Variants in NCEH1 observed in about 807,000 individuals in gnomAD.
NCEH1 encodes the protein neutral cholesterol ester hydrolase 1, also known as 2-acetyl MAGE hydrolase.
Under a neutral mutation model 25.4 loss-of-function variants are expected in NCEH1, and 9 were observed. The ratio of observed to expected loss-of-function variants is 0.35; its 90% CI spans 0.21 to 0.62. The LOEUF is 0.62. Ranked by LOEUF, NCEH1 falls within the 20% of genes least tolerant of loss-of-function variation. The pLI, the probability that NCEH1 is intolerant of heterozygous loss-of-function variation, is 0.72. For synonymous variants in NCEH1, 200 were observed against 199.8 expected (o/e 1.00, Z -0.01); for missense variants, 412 against 501.1 (o/e 0.82, Z 1.70).
intron 1 of NCEH1, among the ~76,000 whole-genome samples, chr3:172,670,551 G>A (rs1410969704): frequency 6.6e-6 from 1 of 152,210 alleles, no homozygotes; most frequent in African/African-American, 2.4e-5. Context: ...CAGCAGAGCA[G>A]AGCTTAAAGC....
At chr3:172,657,706 T>G (rs1717764756) in intron 1 of NCEH1, among the ~76,000 whole-genome samples, 1 of 152,210 alleles carries the variant, frequency 6.6e-6, no homozygotes, top group African/African-American at 2.4e-5. Context: ...TCCTGTTTCT[T>G]ACAGGAAAAA....
chr3:172,697,481 AC>A (rs1443582919), intron 1 of NCEH1, among the ~76,000 whole-genome samples: 9 of 151,824 alleles, frequency 5.9e-5, no homozygotes, highest in Admixed American at 2.0e-4. Flanking sequence ...CTTGCTGTTC[AC>A]CCTGCAGAGT....
At chr3:172,656,837 A>G (rs1447553961) in intron 1 of NCEH1, among the ~76,000 whole-genome samples, 1 of 152,084 alleles carries the variant, frequency 6.6e-6, no homozygotes, top group African/African-American at 2.4e-5. Flanking sequence ...CTTCAGCCCC[A>G]TATGTCTGAT....
intron 1 of NCEH1, among the ~76,000 whole-genome samples, chr3:172,653,765 T>TTGTTTTTTG (rs55986552): frequency 1.7e-4 from 23 of 134,374 alleles, no homozygotes; most frequent in East Asian, 1.3e-3. Context: ...TTTTTGTTTT[T>TTGTTTTTTG]TTTTTTTTTT....
chr3:172,670,688 T>TA (rs1386213125), intron 1 of NCEH1, among the ~76,000 whole-genome samples: 1 of 152,206 alleles, frequency 6.6e-6, no homozygotes, highest in Non-Finnish European at 1.5e-5. Flanking sequence ...TTTTAACCAT[T>TA]AGAGAATAAC....
intron 1 of NCEH1, among the ~76,000 whole-genome samples, chr3:172,651,841 G>A (rs1446755957): frequency 1.3e-5 from 2 of 152,188 alleles, no homozygotes; most frequent in African/African-American, 4.8e-5. Context: ...TTACAGGCAT[G>A]AGCCACCGCG....
chr3:172,692,256 C>G (rs1010024123), intron 1 of NCEH1, among the ~76,000 whole-genome samples: 1 of 152,182 alleles, frequency 6.6e-6, no homozygotes, highest in African/African-American at 2.4e-5. Flanking sequence ...TAAAACCAAA[C>G]AGAAGAAAAA....
chr3:172,710,937 G>A lies in NCEH1; in HGVS notation c.48C>T (p.Ala16=). 1 of 1,614,188 alleles carries A rather than the reference G, an allele frequency of 6.2e-7. No individual in the cohort carries two copies. ...VLLTALVALA[A]YYVYIPLPGS... ...CAGGCAGCGGGATGTAGACGTAATA[G>A]GCGGCCAGCGCCACCAGGGCGGTGA... The change falls in exon 1 of 5, where the codon GCC becomes GCT. Residue 16 remains alanine, a synonymous_variant. Coordinates refer to ENST00000475381, the MANE Select transcript of NCEH1 (RefSeq NM_020792.6).
At chr3:172,651,018 C>T (rs1318606173) in intron 1 of NCEH1, among the ~76,000 whole-genome samples, 7 of 152,050 alleles carry the variant, frequency 4.6e-5, no homozygotes, top group Non-Finnish European at 8.8e-5. Flanking sequence ...TTGATATGAA[C>T]AGTAACCTGT....
At chr3:172,708,578 C>T (rs956378628) in intron 1 of NCEH1, among the ~76,000 whole-genome samples, 2 of 152,110 alleles carry the variant, frequency 1.3e-5, no homozygotes, top group Non-Finnish European at 2.9e-5. Context: ...CTGCTGGTCT[C>T]GAACTCCTGA....
intron 1 of NCEH1, among the ~76,000 whole-genome samples, chr3:172,691,946 C>CAAAAAAAAAAAAAAA (rs61592238): frequency 1.2e-5 from 1 of 80,006 alleles, no homozygotes; most frequent in Non-Finnish European, 2.4e-5. Context: ...GACTCCGTCT[C>CAAAAAAAAAAAAAAA]AAAAAAAAAA....
Position 172,676,519 on chromosome 3 carries a change from G to A in NCEH1, c.139-28405C>T, listed in dbSNP as rs1712016595. Among the ~76,000 whole-genome samples the A allele has an allele frequency of 2.6e-5, 4 of 152,034 alleles. No individual in the cohort carries two copies. In the South Asian group the frequency reaches 8.3e-4, roughly 32 times the overall value. On this transcript the variant is annotated intron_variant, in intron 1 of 4. Coordinates refer to ENST00000475381, the MANE Select transcript of NCEH1 (RefSeq NM_020792.6). ...ATACCTGGTCAAACCAATCCCCTGG[G>A]CCCTATGCAAACCAGACACCACCTC... is the stretch of plus-strand genomic sequence containing the variant.
intron 1 of NCEH1, among the ~76,000 whole-genome samples, chr3:172,677,399 A>G (rs1379471691): frequency 6.6e-6 from 1 of 152,260 alleles, no homozygotes; most frequent in Non-Finnish European, 1.5e-5. Context: ...CCTTTTGTAC[A>G]CATTCACATG....
intron 1 of NCEH1, among the ~76,000 whole-genome samples, chr3:172,687,417 C>T (rs1319268922): frequency 1.3e-5 from 2 of 152,206 alleles, no homozygotes; most frequent in East Asian, 3.8e-4. Flanking sequence ...TATCTTTCAT[C>T]TTCTCAAATA....
At chr3:172,703,527 CAAAAAAA>C (rs11462899) in intron 1 of NCEH1, among the ~76,000 whole-genome samples, 190 of 80,596 alleles carry the variant, frequency 2.4e-3, no homozygotes, top group Middle Eastern at 8.5e-3. Context: ...GACTCTGTCT[CAAAAAAA>C]AAAAAAAAAA....
intron 1 of NCEH1, among the ~76,000 whole-genome samples, chr3:172,670,968 G>A (rs114121093): frequency 0.015 from 2,248 of 152,148 alleles, 15 homozygotes; most frequent in Non-Finnish European, 0.023. Flanking sequence ...AAGATAAAAC[G>A]TCTTTTTCTC....
chr3:172,691,219 T>TC (rs1396509555), intron 1 of NCEH1, among the ~76,000 whole-genome samples: 8 of 152,296 alleles, frequency 5.3e-5, no homozygotes, highest in African/African-American at 1.9e-4. Flanking sequence ...CCCCAGTCCA[T>TC]CCTTCAGTAT....
In NCEH1 at chr3:172,636,020, A is replaced by C. The variant is rs767843773; in HGVS notation, c.505T>G (p.Phe169Val). The C allele has an allele frequency of 2.5e-6, 4 of 1,614,134 alleles. No individual in the cohort carries two copies. In the South Asian group the frequency reaches 3.3e-5, roughly 13 times the overall value. ...TTCTGTAAGACTTCTGGCTTCAGGA[A>C]ATACTTTGTGGCCCGTACAACATCA... ...IHDVVRATKY[F>V]LKPEVLQKYM... Residue 169 changes from phenylalanine (F) to valine (V), a missense_variant, in exon 4 of 5, where the codon TTC becomes GTC. Phe to Val is a conservative substitution (Grantham distance 50). Coordinates refer to ENST00000475381, the MANE Select transcript of NCEH1 (RefSeq NM_020792.6).
intron 1 of NCEH1, among the ~76,000 whole-genome samples, chr3:172,681,903 T>C (rs1712400148): frequency 1.7e-5 from 2 of 114,858 alleles, no homozygotes; most frequent in African/African-American, 7.5e-5. Context: ...AGAATGAGAC[T>C]GTCTCAAAAA....
Sources: allele counts gnomAD v4.1 joint callset (sites outside exome capture counted in the v4.1 genomes callset), GRCh38; gene constraint gnomAD v4.1.1; transcripts MANE v1.5; gene names NCBI Gene and HGNC (gene_info 2026-07-23, HGNC 2026-07-21).